Variants in PPFIA1 observed in about 807,000 individuals in gnomAD.
PPFIA1 encodes the protein PPFI scaffold protein A1, also known as liprin-alpha-1.
Under a neutral mutation model 149.9 loss-of-function variants are expected in PPFIA1, and 25 were observed. The observed-to-expected ratio is 0.17, with a 90% confidence interval of 0.12 to 0.23. The LOEUF is 0.23. Ranked by LOEUF, PPFIA1 falls within the 10% of genes least tolerant of loss-of-function variation. PPFIA1 has a pLI of 1.00. For synonymous variants in PPFIA1, 549 were observed against 552.8 expected (o/e 0.99, Z 0.10); for missense variants, 1,362 against 1,506.5 (o/e 0.90, Z 1.59).
chr11:70,333,218 T>TG, intron 9 of PPFIA1: 2 of 567,580 alleles, frequency 3.5e-6, no homozygotes, highest in Non-Finnish European at 3.3e-6. Context: ...GCATAGGGGT[T>TG]GGGGGGAAAA....
intron 21 of PPFIA1, 94 bp from the exon 22 acceptor site, chr11:70,372,121 A>C: frequency 9.1e-7 from 1 of 1,098,960 alleles, no homozygotes; most frequent in South Asian, 1.9e-5. Flanking sequence ...GCCTTTGAGA[A>C]TATAGGTAAT....
At chr11:70,281,214 C>T (rs1475638557) in intron 2 of PPFIA1, among the ~76,000 whole-genome samples, 2 of 152,016 alleles carry the variant, frequency 1.3e-5, no homozygotes, top group Non-Finnish European at 2.9e-5. Flanking sequence ...CTGTAGAAAG[C>T]GCTGGGTGAT....
chr11:70,337,631 C>A (rs17425511), intron 12 of PPFIA1, among the ~76,000 whole-genome samples: 13 of 152,022 alleles, frequency 8.6e-5, no homozygotes, highest in Non-Finnish European at 8.8e-5. Context: ...GCATATGGTT[C>A]AGAATTCGGA....
At chr11:70,283,884 G>A (rs2050928717) in intron 2 of PPFIA1, 1 of 469,276 alleles carries the variant, frequency 2.1e-6, no homozygotes, top group African/African-American at 2.0e-5. Flanking sequence ...CTGCAGTGGA[G>A]CCCCCTCAAC....
intron 2 of PPFIA1, among the ~76,000 whole-genome samples, chr11:70,296,994 G>T (rs2052096037): frequency 6.6e-6 from 1 of 152,150 alleles, no homozygotes; most frequent in South Asian, 2.1e-4. Flanking sequence ...TATTTAATAA[G>T]CATTCAATAA....
In PPFIA1 at chr11:70,354,256, TCA is replaced by T. The variant is rs920297764; in HGVS notation, c.2164-42_2164-41del. 3 of 1,561,350 alleles carry T rather than the reference TCA, an allele frequency of 1.9e-6. No individual in the cohort carries two copies. In the African/African-American group the frequency reaches 4.1e-5, roughly 21 times the overall value. Reference sequence around the variant, plus strand: ...GGCTATAATTTAAGGCCTGAGTTTTTCACAGTCTGCTGTTAACTAACTTTGCA... The same window carrying T: ...GGCTATAATTTAAGGCCTGAGTTTTTCAGTCTGCTGTTAACTAACTTTGCA... On this transcript the variant is annotated intron_variant, in intron 16 of 27. Coordinates refer to ENST00000253925, the MANE Select transcript of PPFIA1 (RefSeq NM_003626.5).
chr11:70,307,360 T>C (rs1227588477), intron 2 of PPFIA1, among the ~76,000 whole-genome samples: 1 of 152,236 alleles, frequency 6.6e-6, no homozygotes, highest in Non-Finnish European at 1.5e-5. Flanking sequence ...ATTCATATTC[T>C]TTGTATGCCA....
At chr11:70,279,017 A>G (rs1591026136) in intron 2 of PPFIA1, 3 of 530,168 alleles carry the variant, frequency 5.7e-6, no homozygotes, top group East Asian at 4.3e-5. Flanking sequence ...CCAATTCTTT[A>G]TCTCCACGAA....
intron 15 of PPFIA1, among the ~76,000 whole-genome samples, chr11:70,344,832 G>T: frequency 6.6e-6 from 1 of 152,214 alleles, no homozygotes; most frequent in Non-Finnish European, 1.5e-5. Flanking sequence ...TTGACTGTTG[G>T]TGTAGAACAA....
At chr11:70,291,542 T>C (rs1279981720) in intron 2 of PPFIA1, among the ~76,000 whole-genome samples, 1 of 152,236 alleles carries the variant, frequency 6.6e-6, no homozygotes, top group Non-Finnish European at 1.5e-5. Context: ...TGGAGGGCGA[T>C]CTCAGCAGAC....
intron 2 of PPFIA1, among the ~76,000 whole-genome samples, chr11:70,278,035 C>T (rs910727450): frequency 7.3e-5 from 11 of 151,670 alleles, no homozygotes; most frequent in Non-Finnish European, 1.2e-4. Flanking sequence ...CTCAGCCGCC[C>T]GAGTAGCTGG....
intron 2 of PPFIA1, among the ~76,000 whole-genome samples, chr11:70,273,814 T>G (rs543459750): frequency 6.2e-4 from 95 of 152,358 alleles, no homozygotes; most frequent in African/African-American, 2.1e-3. Context: ...CCAATTTATG[T>G]TTTACCAGGA....
chr11:70,292,960 C>A (rs1051758525), intron 2 of PPFIA1, among the ~76,000 whole-genome samples: 2 of 152,212 alleles, frequency 1.3e-5, no homozygotes, highest in Non-Finnish European at 2.9e-5. Flanking sequence ...CCACTCCTTG[C>A]ACCTACTCCA....
intron 2 of PPFIA1, among the ~76,000 whole-genome samples, chr11:70,289,654 A>G (rs1252529326): frequency 6.6e-6 from 1 of 152,234 alleles, no homozygotes; most frequent in Non-Finnish European, 1.5e-5. Flanking sequence ...ATTTGTTCCT[A>G]TTTATTCTTA....
At chr11:70,280,185 G>T (rs929973675) in intron 2 of PPFIA1, among the ~76,000 whole-genome samples, 1 of 151,528 alleles carries the variant, frequency 6.6e-6, no homozygotes, top group Non-Finnish European at 1.5e-5. Context: ...TGGGATTACA[G>T]GCATGAGCTA....
intron 21 of PPFIA1, among the ~76,000 whole-genome samples, chr11:70,370,485 C>T (rs1411188268): frequency 1.3e-5 from 2 of 151,906 alleles, no homozygotes; most frequent in Admixed American, 6.6e-5. Context: ...CTCCTGGGTT[C>T]AAGCCATTCT....
intron 2 of PPFIA1, among the ~76,000 whole-genome samples, chr11:70,279,903 G>GTGTGTGTGTGTGTGTGTGTGTGT (rs1328899566): frequency 5.1e-4 from 51 of 100,012 alleles, no homozygotes; most frequent in African/African-American, 3.4e-3. Flanking sequence ...TGTGTGTGGG[G>GTGTGTGTGTGTGTGTGTGTGTGT]GATGTGTGTG....
chr11:70,288,649 T>A (rs2051316394), intron 2 of PPFIA1, among the ~76,000 whole-genome samples: 1 of 152,180 alleles, frequency 6.6e-6, no homozygotes, highest in Non-Finnish European at 1.5e-5. Flanking sequence ...AGAAGAGTGT[T>A]CTCCTTTGTT....
At chr11:70,297,255 A>C (rs77885709) in intron 2 of PPFIA1, among the ~76,000 whole-genome samples, 46 of 152,118 alleles carry the variant, frequency 3.0e-4, no homozygotes, top group African/African-American at 1.1e-3. Context: ...CAAAAAATCA[A>C]AAAGTTATTT....
Sources: gnomAD v4.1 joint callset for allele counts (sites outside exome capture counted in the v4.1 genomes callset) on GRCh38, gnomAD v4.1.1 for gene constraint, MANE v1.5 for transcripts, NCBI Gene and HGNC (gene_info 2026-07-23, HGNC 2026-07-21) for gene names.